The following TP53I11 variants were observed in gnomAD, a reference collection of about 807,000 sequenced individuals.
The protein encoded by TP53I11 is tumor protein p53-inducible protein 11.
Under a neutral mutation model 23.3 loss-of-function variants are expected in TP53I11, and 9 were observed. The ratio of observed to expected loss-of-function variants is 0.39; its 90% CI spans 0.23 to 0.67. The LOEUF (loss-of-function observed/expected upper bound fraction) is 0.67, where lower values mean the gene tolerates loss of function less well. Among genes scored for constraint, TP53I11 ranks in the 30% least tolerant of loss-of-function variants. The probability of loss-of-function intolerance (pLI) is 0.48; values close to 1 mark genes in which losing one functional copy is unlikely to be tolerated. For missense variants in TP53I11, 170 were observed against 255.2 expected, an observed-to-expected ratio of 0.67 and a Z score of 2.27; for synonymous variants, 100 against 106.1, an observed-to-expected ratio of 0.94 and a Z score of 0.35.
Position 44,938,202 on chromosome 11 carries a change from C to T in TP53I11, c.129+5G>A. ...GGTGCCGGAGGCCCCTGCTCTGCAC[C>T]CCACCTTGGAGCGATGCACCTCCCC... On this transcript the variant is annotated splice_donor_5th_base_variant and intron_variant, in intron 2 of 6. Transcript: ENST00000525680. 1 of 1,611,422 alleles carries T rather than the reference C, an allele frequency of 6.2e-7. No homozygotes were observed. The highest frequency in any genetic ancestry group is 8.5e-7 in the Non-Finnish European group (1 of 1,179,186).
rs748578965 is a variant in TP53I11, at chr11:44,936,906, G to A, written c.238-7C>T. 1.3e-6 allele frequency: 2 copies of A among 1,596,858 alleles called. No individual in the cohort carries two copies. The highest frequency in any genetic ancestry group is 2.3e-5 in the South Asian group (2 of 87,936). ...GGTCAGGGAAGGCAAGCGCCTGCGG[G>A]CAGCGAGAGGGGCTCAGAGGTCCCG... On this transcript the variant is annotated splice_polypyrimidine_tract_variant and splice_region_variant and intron_variant, in intron 4 of 6. Transcript: ENST00000525680. This position sits in a 1 kb window ranked among gnomAD's most constrained non-coding sequence, Gnocchi z 4.4.
chr11:44,936,391 A>T lies in TP53I11; in HGVS notation c.334+412T>A, dbSNP rs1861111172. On this transcript the variant is annotated intron_variant, in intron 5 of 6. Transcript: ENST00000525680. This position sits in a 1 kb window ranked among gnomAD's most constrained non-coding sequence, Gnocchi z 4.4. ...CGTGTGCATCTCAGGTTAGAGAGGA[A>T]ACAGAAGTGGTTCAAACAGAAGTGG... is the stretch of plus-strand genomic sequence containing the variant. The T allele has an allele frequency of 1.6e-6, 2 of 1,231,446 alleles. No individual in the cohort carries two copies. The allele number at this position is 1,231,446 out of a possible 1,614,324, so 76.3% of individuals were successfully genotyped here.
Position 44,942,429 on chromosome 11 carries a change from T to TAC in TP53I11, c.-31-4065_-31-4064dup, listed in dbSNP as rs56662172. ...ACACACACACCACACACACACACCA[T>TAC]ACACACACACACACACACACACACA... On this transcript the variant is annotated intron_variant, in intron 1 of 6. Coordinates refer to ENST00000525680, the MANE Select transcript of TP53I11 (RefSeq NM_006034.5). Among the ~76,000 whole-genome samples the TAC allele has an allele frequency of 6.7e-3, 980 of 146,250 alleles. 9 individuals are homozygous for TAC. The highest frequency in any genetic ancestry group is 0.023 in the African/African-American group (891 of 39,524).
chr11:44,937,401 C>T, intron 3 of TP53I11, 49 bp from the exon 4 acceptor site: 3 of 1,478,748 alleles, frequency 2.0e-6, no homozygotes, highest in Non-Finnish European at 2.7e-6. Context: ...GGGACCCTCC[C>T]CTCTCCAGCC....
rs1385439681 is a variant in TP53I11, at chr11:44,934,847, G to T, written c.*37C>A. ...AAGCCGAGGCCCCAGCGCCACTCTG[G>T]CCCAGGCATGGGCAGGGCCCCAGGC... On this transcript the variant is annotated 3_prime_UTR_variant, in exon 7 of 7. Transcript: ENST00000525680. 6.2e-7 allele frequency: 1 copy of T among 1,612,694 alleles called. No homozygotes were observed. The highest frequency in any genetic ancestry group is 1.1e-5 in the South Asian group (1 of 91,062).
intron 1 of TP53I11, among the ~76,000 whole-genome samples, chr11:44,940,355 G>T (rs1215612959): frequency 6.6e-6 from 1 of 152,238 alleles, no homozygotes; most frequent in Non-Finnish European, 1.5e-5. Context: ...ACCAGCTCCA[G>T]ATCAAGACAA....
In TP53I11 at chr11:44,933,125, C is replaced by G. The variant is rs1391785919; in HGVS notation, c.*1759G>C. 1 of 152,218 alleles carries G rather than the reference C, an allele frequency of 6.6e-6. No homozygotes were observed. Among genetic ancestry groups the G allele is most frequent in the Non-Finnish European group, 1.5e-5 (1 of 68,092 alleles). The allele number at this position is 152,218 out of a possible 1,614,324, so 9.4% of individuals were successfully genotyped here. A position where few individuals can be genotyped will look rare whatever the true frequency, so the allele number is the denominator to read the frequency against. On this transcript the variant is annotated 3_prime_UTR_variant, in exon 7 of 7. Transcript: ENST00000525680. ...AGGCACAGGCTTAGGTAGCAAGAGA[C>G]AGATGCCAGGAGAGGGGCCCTTCCT...
intron 1 of TP53I11, among the ~76,000 whole-genome samples, chr11:44,945,793 G>A (rs896933064): frequency 2.6e-5 from 4 of 152,208 alleles, no homozygotes; most frequent in African/African-American, 7.2e-5. Context: ...GAGAGAAGGG[G>A]AGGCAGGAGA....
intron 1 of TP53I11, chr11:44,947,202 G>A (rs547173259): frequency 1.3e-4 from 58 of 448,166 alleles, no homozygotes; most frequent in African/African-American, 8.4e-4. Flanking sequence ...TTCCTGTCTC[G>A]ACGGTCATTC....
In TP53I11 at chr11:44,950,799, GCAGGGCAGGA is replaced by G. The variant is rs1385777540; in HGVS notation, c.-164_-155del. 4.3e-5 allele frequency: 6 copies of G among 138,760 alleles called. No individual in the cohort carries two copies. Among genetic ancestry groups the G allele is most frequent in the African/African-American group, 1.5e-4 (6 of 39,270 alleles). 8.6% of individuals were successfully genotyped at this position (138,760 alleles called of 1,614,324 possible). A position where few individuals can be genotyped will look rare whatever the true frequency, so the allele number is the denominator to read the frequency against. On this transcript the variant is annotated 5_prime_UTR_variant, in exon 1 of 7. Coordinates refer to ENST00000525680, the MANE Select transcript of TP53I11 (RefSeq NM_006034.5). ...GCAGTGCAGGGCAGGGCAGGGCAGGGCAGGGCAGGACAGGGCAGGGCAGGGCAGGGCCGGG... is the reference window on the plus strand; with the variant it reads ...GCAGTGCAGGGCAGGGCAGGGCAGGGCAGGGCAGGGCAGGGCAGGGCCGGG...
At chr11:44,935,727 G>T in intron 5 of TP53I11, 65 bp from the exon 6 acceptor site, 1 of 1,192,686 alleles carries the variant, frequency 8.4e-7, no homozygotes, top group South Asian at 1.3e-5. Flanking sequence ...CAGGGCAGGA[G>T]GACTGCTCCT....
Position 44,935,026 on chromosome 11 carries a change from G to A in TP53I11, c.437-9C>T, listed in dbSNP as rs1352315043. 1.2e-6 allele frequency: 2 copies of A among 1,612,968 alleles called. No individual in the cohort carries two copies. Among genetic ancestry groups the A allele is most frequent in the Non-Finnish European group, 1.7e-6 (2 of 1,179,920 alleles). ...TAGCGTGGCAGTGACCACTGTGGGAGAGAGTCCAGCAAGGCCACAGGGTCA... is the reference window on the plus strand; with the variant it reads ...TAGCGTGGCAGTGACCACTGTGGGAAAGAGTCCAGCAAGGCCACAGGGTCA... On this transcript the variant is annotated splice_polypyrimidine_tract_variant and intron_variant, in intron 6 of 6. Coordinates refer to ENST00000525680, the MANE Select transcript of TP53I11 (RefSeq NM_006034.5).
intron 4 of TP53I11, 130 bp from the exon 5 acceptor site, chr11:44,937,029 T>C: frequency 2.6e-6 from 2 of 776,264 alleles, no homozygotes; most frequent in South Asian, 1.8e-5. Flanking sequence ...GTCCAGGGTC[T>C]GGACCCAATT....
intron 4 of TP53I11, chr11:44,937,100 GC>G (rs1861222390): frequency 1.3e-6 from 1 of 780,682 alleles, no homozygotes; most frequent in African/African-American, 1.8e-5. Context: ...AAGGAGTCAG[GC>G]CACAAACCAT....
At position 44,938,241 on chromosome 11, in the gene TP53I11, C is replaced by T. The variant is rs766702384; in HGVS notation, c.95G>A (p.Gly32Glu). ...LKTRKILGVG[G>E]EDDDGEVHRS... ...ATGCACCTCCCCGTCGTCATCCTCC[C>T]CGCCCACGCCGAGGATCTTGCGGGT... Residue 32 changes from glycine to glutamate, a missense_variant, in exon 2 of 7, where the codon GGG (glycine) becomes GAG (glutamate). Physicochemically the swap from Gly to Glu is moderately conservative, Grantham distance 98. Coordinates refer to ENST00000525680, the MANE Select transcript of TP53I11 (RefSeq NM_006034.5). 6.2e-7 allele frequency: 1 copy of T among 1,613,068 alleles called. No individual in the cohort carries two copies. The highest frequency in any genetic ancestry group is 8.5e-7 in the Non-Finnish European group (1 of 1,179,734).
chr11:44,935,627 C>T lies in TP53I11; in HGVS notation c.370G>A (p.Ala124Thr). Residue 124 changes from alanine to threonine, a missense_variant, in exon 6 of 7, where the codon GCT becomes ACT. Transcript: ENST00000525680. ...GTCCATCGAATGATGACCTTCTCAGCCGTGTAGAGAGCGTTCCACATGATC... is the reference window on the plus strand; with the variant it reads ...GTCCATCGAATGATGACCTTCTCAGTCGTGTAGAGAGCGTTCCACATGATC... Reference protein sequence around the residue: ...SLIMWNALYTAEKVIIRWTLL... With the variant: ...SLIMWNALYTTEKVIIRWTLL... 6.2e-7 allele frequency: 1 copy of T among 1,613,726 alleles called. No individual in the cohort carries two copies. The highest frequency in any genetic ancestry group is 2.2e-5 in the East Asian group (1 of 44,864).
chr11:44,935,964 T>G, intron 5 of TP53I11: 1 of 469,760 alleles, frequency 2.1e-6, no homozygotes, highest in South Asian at 2.6e-5. Context: ...ACTGAGCCCC[T>G]GGCCCCTGCC....
chr11:44,950,093 G>C (rs1306176174), intron 1 of TP53I11: 2 of 152,234 alleles, frequency 1.3e-5, no homozygotes, highest in Non-Finnish European at 2.9e-5. Context: ...CCAGAAGGTC[G>C]GGCCAGACTT....
At chr11:44,945,083 C>T (rs1019095945) in intron 1 of TP53I11, among the ~76,000 whole-genome samples, 2 of 152,136 alleles carry the variant, frequency 1.3e-5, no homozygotes, top group Non-Finnish European at 2.9e-5. Flanking sequence ...CCCAGAACAT[C>T]CATCAGTGGC....
Sources: allele counts gnomAD v4.1 joint callset (sites outside exome capture counted in the v4.1 genomes callset), GRCh38; gene constraint gnomAD v4.1.1; non-coding constraint Gnocchi (gnomAD v3.1); transcripts MANE v1.5; gene names NCBI Gene and HGNC (gene_info 2026-07-23, HGNC 2026-07-21).